NCMAP: variants seen among roughly 807,000 people sequenced by gnomAD.
The protein encoded by NCMAP is noncompact myelin-associated protein.
In NCMAP, 8 loss-of-function variants were observed where a neutral mutation model predicts 7.8. The ratio of observed to expected loss-of-function variants is 1.02; its 90% CI spans 0.60 to 1.84. The LOEUF is 1.84. Among genes scored for constraint, NCMAP ranks in the 40% most tolerant of loss-of-function variants. The pLI is 0.00. For missense variants in NCMAP, 112 were observed against 131.4 expected (o/e 0.85, Z 0.72); for synonymous variants, 41 against 52.9 (o/e 0.78, Z 0.98).
At chr1:24,597,279 G>A (rs1293652567) in intron 2 of NCMAP, among the ~76,000 whole-genome samples, 1 of 151,970 alleles carries the variant, frequency 6.6e-6, no homozygotes, top group Admixed American at 6.6e-5. Context: ...GCCAAAGTGG[G>A]TGGATTACCT....
chr1:24,573,014 A>G (rs1651433976), intron 1 of NCMAP, among the ~76,000 whole-genome samples: 1 of 150,566 alleles, frequency 6.6e-6, no homozygotes, highest in Non-Finnish European at 1.5e-5. Context: ...GTGGGCATGG[A>G]AAAGGCACCC....
intron 1 of NCMAP, among the ~76,000 whole-genome samples, chr1:24,571,838 G>A (rs1298892292): frequency 1.3e-5 from 2 of 150,626 alleles, no homozygotes; most frequent in Non-Finnish European, 2.9e-5. Context: ...CGCCTGCCTC[G>A]GCCTCCCAAA....
chr1:24,558,862 CTTTA>C (rs905270720), intron 1 of NCMAP, among the ~76,000 whole-genome samples: 1 of 151,940 alleles, frequency 6.6e-6, no homozygotes, highest in African/African-American at 2.4e-5. Context: ...CAACACTTCC[CTTTA>C]TTTTTCAGTC....
chr1:24,572,898 G>C lies in NCMAP; in HGVS notation c.-8+16729G>C, dbSNP rs959525732. On this transcript the variant is annotated intron_variant, in intron 1 of 3. Transcript: ENST00000374392. ...CCTGCCCCAGTAGCTCTGTGATTTT[G>C]GACGATTTACTCAGTCTCTCTGAGC... 5.3e-5 allele frequency among the ~76,000 whole-genome samples: 8 copies of C among 150,658 alleles called. 1 individual carries two copies. Among genetic ancestry groups the C allele is most frequent in the African/African-American group, 2.0e-4 (8 of 39,998 alleles).
intron 1 of NCMAP, among the ~76,000 whole-genome samples, chr1:24,588,468 T>C (rs1317089266): frequency 6.6e-6 from 1 of 152,124 alleles, no homozygotes; most frequent in African/African-American, 2.4e-5. Context: ...CCGGGGTTGG[T>C]AGTCTCTCTA....
At chr1:24,605,448 A>C (rs74062038) in intron 3 of NCMAP, among the ~76,000 whole-genome samples, 158 bp from the exon 4 acceptor site, 8,229 of 152,278 alleles carry the variant, frequency 0.054, 761 homozygotes, top group African/African-American at 0.19. Context: ...GCCTAAGGTC[A>C]CTTCCAGTTG....
chr1:24,590,235 G>A (rs563428844), intron 1 of NCMAP, among the ~76,000 whole-genome samples: 6 of 152,266 alleles, frequency 3.9e-5, no homozygotes, highest in Non-Finnish European at 8.8e-5. Flanking sequence ...CTTGGCACAC[G>A]GCAAACACTC....
chr1:24,591,255 G>A (rs780139802), intron 1 of NCMAP, among the ~76,000 whole-genome samples: 1 of 152,046 alleles, frequency 6.6e-6, no homozygotes, highest in Non-Finnish European at 1.5e-5. Context: ...CTTGGGGGGC[G>A]ACTGGGGACT....
intron 2 of NCMAP, among the ~76,000 whole-genome samples, chr1:24,599,286 A>T (rs994169771): frequency 6.6e-6 from 1 of 151,438 alleles, no homozygotes. Flanking sequence ...CTCTCAAAAA[A>T]AAAAAAAAAA....
chr1:24,558,460 C>A (rs1302488830), intron 1 of NCMAP, among the ~76,000 whole-genome samples: 6 of 152,180 alleles, frequency 3.9e-5, no homozygotes, highest in African/African-American at 1.4e-4. Flanking sequence ...TGTGGTCCCC[C>A]CACTGTCCCC....
intron 1 of NCMAP, among the ~76,000 whole-genome samples, chr1:24,590,765 C>T (rs1652024903): frequency 6.6e-6 from 1 of 152,040 alleles, no homozygotes; most frequent in South Asian, 2.1e-4. Context: ...ACACCACCAC[C>T]AGGCTGGCTA....
At chr1:24,587,492 C>T (rs1651914886) in intron 1 of NCMAP, among the ~76,000 whole-genome samples, 1 of 152,094 alleles carries the variant, frequency 6.6e-6, no homozygotes, top group Non-Finnish European at 1.5e-5. Context: ...CTTTCATGCA[C>T]AAAGGTCAAA....
intron 1 of NCMAP, among the ~76,000 whole-genome samples, chr1:24,578,560 C>CTTTTTTTTTTTTTTT (rs555342098): frequency 3.7e-5 from 4 of 107,374 alleles, no homozygotes; most frequent in Non-Finnish European, 5.3e-5. Flanking sequence ...TTCTTTCTTT[C>CTTTTTTTTTTTTTTT]TTTTTTTTTT....
At chr1:24,587,981 G>A (rs1051267630) in intron 1 of NCMAP, among the ~76,000 whole-genome samples, 2 of 151,804 alleles carry the variant, frequency 1.3e-5, no homozygotes, top group East Asian at 1.9e-4. Context: ...GTTTAGGAGC[G>A]GAGGTTTAAT....
At position 24,586,586 on chromosome 1, in the gene NCMAP, C is replaced by A. The variant is rs142516884; in HGVS notation, c.-7-8838C>A. Among the ~76,000 whole-genome samples, 193 of 152,270 alleles carry A rather than the reference C, an allele frequency of 1.3e-3. 1 individual carries two copies. Among genetic ancestry groups the A allele is most frequent in the African/African-American group, 4.3e-3 (179 of 41,546 alleles). On this transcript the variant is annotated intron_variant, in intron 1 of 3. Transcript: ENST00000374392. ...GACCAGTCTGGCCAAGATGGTGAAACCCAGTCTCCACTAAAAATGCAAAAA... is the reference window on the plus strand; with the variant it reads ...GACCAGTCTGGCCAAGATGGTGAAAACCAGTCTCCACTAAAAATGCAAAAA...
chr1:24,577,490 G>A (rs1304668364), intron 1 of NCMAP, among the ~76,000 whole-genome samples: 2 of 143,634 alleles, frequency 1.4e-5, no homozygotes, highest in East Asian at 2.1e-4. Context: ...GCCCAGGCTG[G>A]CCTCCAGCTC....
At position 24,578,701 on chromosome 1, in the gene NCMAP, T is replaced by C. The variant is rs1651663128; in HGVS notation, c.-7-16723T>C. On this transcript the variant is annotated intron_variant, in intron 1 of 3. Coordinates refer to ENST00000374392, the MANE Select transcript of NCMAP (RefSeq NM_001010980.5). ...CATCAGCCTCCTAAATAGCTGGGAC[T>C]ACAGGCACATGCTACCATGCCCAGC... is the stretch of plus-strand genomic sequence containing the variant. Among the ~76,000 whole-genome samples the C allele has an allele frequency of 2.6e-5, 4 of 151,706 alleles. No individual in the cohort carries two copies. The South Asian group carries it at 8.3e-4, about 32-fold the overall frequency.
intron 1 of NCMAP, among the ~76,000 whole-genome samples, chr1:24,575,958 T>C (rs1248915526): frequency 1.3e-4 from 19 of 145,932 alleles, no homozygotes; most frequent in African/African-American, 4.8e-4. Flanking sequence ...AACTAAGTCC[T>C]GGAGAGGAGA....
At chr1:24,566,905 C>A (rs1651242617) in intron 1 of NCMAP, among the ~76,000 whole-genome samples, 1 of 152,188 alleles carries the variant, frequency 6.6e-6, no homozygotes, top group Non-Finnish European at 1.5e-5. Context: ...TAGATCCCCT[C>A]TTGGATGCCT....
Sources: gnomAD v4.1 joint callset for allele counts (sites outside exome capture counted in the v4.1 genomes callset) on GRCh38, gnomAD v4.1.1 for gene constraint, MANE v1.5 for transcripts, NCBI Gene and HGNC (gene_info 2026-07-23, HGNC 2026-07-21) for gene names.